WDPCP: variants seen among roughly 807,000 people sequenced by gnomAD.
WDPCP encodes the protein WD repeat containing planar cell polarity effector.
A neutral mutation model predicts 93.1 loss-of-function variants in WDPCP; 71 were observed. The observed-to-expected ratio is 0.76, with a 90% CI of 0.63 to 0.93. The LOEUF (loss-of-function observed/expected upper bound fraction) is 0.93, where lower values mean the gene tolerates loss of function less well. Ranked by LOEUF, WDPCP falls within the 40% of genes least tolerant of loss-of-function variation. The probability of loss-of-function intolerance (pLI) is 0.00; values close to 1 mark genes in which losing one functional copy is unlikely to be tolerated. For synonymous variants in WDPCP, 315 were observed against 315.0 expected, an observed-to-expected ratio of 1.00 and a Z score of 0.00; for missense variants, 844 against 887.4, an observed-to-expected ratio of 0.95 and a Z score of 0.62.
chr2:63,779,065 C>T (rs1338414807), intron 2 of WDPCP, among the ~76,000 whole-genome samples: 3 of 152,232 alleles, frequency 2.0e-5, no homozygotes, highest in East Asian at 1.9e-4. Context: ...ATGTTGGACA[C>T]ACAGTAAACT....
At chr2:63,415,087 T>G (rs1392219917) in intron 9 of WDPCP, among the ~76,000 whole-genome samples, 1 of 152,058 alleles carries the variant, frequency 6.6e-6, no homozygotes, top group African/African-American at 2.4e-5. Flanking sequence ...GTTTAAAGAT[T>G]AAAAAAATAC....
chr2:63,209,976 G>C (rs1469823001), intron 14 of WDPCP, among the ~76,000 whole-genome samples: 1 of 152,082 alleles, frequency 6.6e-6, no homozygotes, highest in Non-Finnish European at 1.5e-5. Flanking sequence ...ACTGTGTTAA[G>C]ATTCCTTTTC....
At chr2:63,305,167 AG>A (rs1685633897) in intron 13 of WDPCP, among the ~76,000 whole-genome samples, 2 of 152,196 alleles carry the variant, frequency 1.3e-5, no homozygotes, top group Non-Finnish European at 2.9e-5. Context: ...CTTTGGGCAC[AG>A]CTTCAGCAGA....
chr2:63,754,143 A>G (rs1004464866), intron 2 of WDPCP, among the ~76,000 whole-genome samples: 1 of 152,220 alleles, frequency 6.6e-6, no homozygotes, highest in African/African-American at 2.4e-5. Context: ...TTATGCCATC[A>G]TGTCAGTTGG....
chr2:63,594,466 T>G (rs900615857), intron 3 of WDPCP: 1 of 1,542,222 alleles, frequency 6.5e-7, no homozygotes, highest in East Asian at 2.2e-5. Context: ...TTAAAGATGT[T>G]AATGGGTCTT....
At chr2:63,445,033 T>C (rs6546006) in intron 6 of WDPCP, among the ~76,000 whole-genome samples, 148,295 of 152,218 alleles carry the variant, frequency 0.97, 72,256 homozygotes, top group East Asian at 1. Context: ...AGTACTTAGA[T>C]TGGGGATTAA....
chr2:63,413,363 A>C (rs949306344), intron 9 of WDPCP, among the ~76,000 whole-genome samples: 1 of 152,226 alleles, frequency 6.6e-6, no homozygotes, highest in African/African-American at 2.4e-5. Flanking sequence ...CCTTGTACAA[A>C]AATCAACTCA....
chr2:63,233,376 CCA>C, intron 14 of WDPCP: 1 of 264,198 alleles, frequency 3.8e-6, no homozygotes, highest in Non-Finnish European at 7.3e-6. Flanking sequence ...AACCATAAAT[CCA>C]CAGAGTCTAC....
At chr2:63,813,421 C>A (rs1476571400) in intron 2 of WDPCP, among the ~76,000 whole-genome samples, 1 of 152,170 alleles carries the variant, frequency 6.6e-6, no homozygotes, top group Non-Finnish European at 1.5e-5. Flanking sequence ...TAGTTCTGAT[C>A]TGGAAAAACT....
intron 3 of WDPCP, chr2:63,607,055 AAAT>A: frequency 2.8e-6 from 4 of 1,412,590 alleles, no homozygotes; most frequent in East Asian, 2.4e-5. Context: ...CTCAAGTACC[AAAT>A]AATAATAATG....
chr2:63,193,052 C>T (rs1338380168), intron 14 of WDPCP, among the ~76,000 whole-genome samples: 1 of 152,074 alleles, frequency 6.6e-6, no homozygotes, highest in Non-Finnish European at 1.5e-5. Flanking sequence ...ACAAGATAAG[C>T]CATTTGGTGA....
intron 14 of WDPCP, among the ~76,000 whole-genome samples, chr2:63,192,586 C>T (rs1675132216): frequency 6.6e-6 from 1 of 152,206 alleles, no homozygotes; most frequent in Non-Finnish European, 1.5e-5. Context: ...AATTGGCTTG[C>T]TCTAAACCAA....
intron 14 of WDPCP, 147 bp downstream of exon 14, chr2:63,259,160 G>C (rs1681390399): frequency 1.4e-6 from 1 of 702,960 alleles, no homozygotes. Flanking sequence ...TGTGCTGTTT[G>C]TCAAAGCTTA....
intron 10 of WDPCP, among the ~76,000 whole-genome samples, chr2:63,395,342 C>A (rs1693626565): frequency 6.6e-6 from 1 of 152,096 alleles, no homozygotes; most frequent in Non-Finnish European, 1.5e-5. Context: ...AAACAGTGAA[C>A]ATTGTACTCA....
chr2:63,312,634 G>A (rs747043289), intron 13 of WDPCP, among the ~76,000 whole-genome samples: 1 of 152,120 alleles, frequency 6.6e-6, no homozygotes, highest in Non-Finnish European at 1.5e-5. Context: ...ATCTCAATGT[G>A]GCACTGTAGT....
chr2:63,355,138 A>G (rs1388690233), intron 12 of WDPCP, among the ~76,000 whole-genome samples: 1 of 152,172 alleles, frequency 6.6e-6, no homozygotes, highest in Non-Finnish European at 1.5e-5. Flanking sequence ...AAGACACATA[A>G]TCATCAGATT....
chr2:63,433,210 G>A (rs920093887), intron 9 of WDPCP, among the ~76,000 whole-genome samples: 1 of 152,166 alleles, frequency 6.6e-6, no homozygotes, highest in Non-Finnish European at 1.5e-5. Context: ...TGCGCCAAAT[G>A]CGGTCTGGCA....
At chr2:63,743,234 G>T (rs1237792647) in intron 2 of WDPCP, among the ~76,000 whole-genome samples, 1 of 152,022 alleles carries the variant, frequency 6.6e-6, no homozygotes, top group African/African-American at 2.4e-5. Context: ...CTGTGATAAG[G>T]TGGTATGTGC....
chr2:63,598,717 G>A (rs1709363071), intron 3 of WDPCP, among the ~76,000 whole-genome samples: 1 of 152,042 alleles, frequency 6.6e-6, no homozygotes, highest in Non-Finnish European at 1.5e-5. Context: ...ATCCACAGGT[G>A]CCAGTAAAAG....
Sources: gnomAD v4.1 joint callset for allele counts (sites outside exome capture counted in the v4.1 genomes callset) on GRCh38, gnomAD v4.1.1 for gene constraint, MANE v1.5 for transcripts, NCBI Gene and HGNC (gene_info 2026-07-23, HGNC 2026-07-21) for gene names.